Variants in FUBP3 observed in about 807,000 individuals in gnomAD.
FUBP3 encodes the protein far upstream element binding protein 3, also known as far upstream element-binding protein 3.
In FUBP3, 28 loss-of-function variants were observed where a neutral mutation model predicts 85.6. The observed-to-expected ratio is 0.33, with a 90% confidence interval of 0.24 to 0.45. FUBP3 has a LOEUF of 0.45. FUBP3 is among the 20% of genes least tolerant of loss of function. The pLI is 1.00. For synonymous variants in FUBP3, 271 were observed against 271.4 expected, an observed-to-expected ratio of 1.00 and a Z score of 0.01; for missense variants, 583 against 755.1, an observed-to-expected ratio of 0.77 and a Z score of 2.67.
intron 8 of FUBP3, among the ~76,000 whole-genome samples, chr9:130,618,277 C>G (rs2119086908): frequency 6.6e-6 from 1 of 152,330 alleles, no homozygotes; most frequent in South Asian, 2.1e-4. Flanking sequence ...TCCCCCACGT[C>G]ATCCTTCCAG....
At chr9:130,595,736 C>T in intron 2 of FUBP3, 148 bp downstream of exon 2, 3 of 634,934 alleles carry the variant, frequency 4.7e-6, no homozygotes, top group Middle Eastern at 2.5e-4. Context: ...TGATTTTTCT[C>T]AGCAGTTCTT....
intron 2 of FUBP3, among the ~76,000 whole-genome samples, chr9:130,600,802 A>G (rs1831118192): frequency 6.6e-6 from 1 of 152,002 alleles, no homozygotes; most frequent in Non-Finnish European, 1.5e-5. Context: ...GCAAGACCCC[A>G]TCTCTACAAA....
intron 1 of FUBP3, among the ~76,000 whole-genome samples, chr9:130,593,120 C>T (rs758113042): frequency 4.6e-5 from 7 of 152,160 alleles, no homozygotes; most frequent in Non-Finnish European, 8.8e-5. Context: ...TAGCCAGCTC[C>T]TCATCATCAC....
At chr9:130,622,664 G>A (rs1384413905) in intron 9 of FUBP3, 44 bp from the exon 10 acceptor site, 3 of 956,378 alleles carry the variant, frequency 3.1e-6, no homozygotes, top group African/African-American at 3.4e-5. Context: ...TAAAAAGACA[G>A]GTTTGTGAAA....
intron 1 of FUBP3, among the ~76,000 whole-genome samples, chr9:130,589,701 A>ATTTT (rs1416100381): frequency 9.3e-4 from 26 of 27,996 alleles, no homozygotes; most frequent in African/African-American, 5.2e-3. Context: ...ATATATATAT[A>ATTTT]TATATTTTTT....
chr9:130,606,003 A>G (rs1162756877), intron 2 of FUBP3, among the ~76,000 whole-genome samples: 1 of 152,174 alleles, frequency 6.6e-6, no homozygotes, highest in Non-Finnish European at 1.5e-5. Flanking sequence ...CAACAACAAA[A>G]AAGAGTGACA....
In FUBP3 at chr9:130,637,102, C is replaced by A; in HGVS notation, c.*80C>A. 8.8e-7 allele frequency: 1 copy of A among 1,134,150 alleles called. No individual in the cohort carries two copies. Among genetic ancestry groups the A allele is most frequent in the Non-Finnish European group, 1.3e-6 (1 of 742,632 alleles). 70.3% of individuals were successfully genotyped at this position (1,134,150 alleles called of 1,614,324 possible). On this transcript the variant is annotated 3_prime_UTR_variant, in exon 19 of 19. Coordinates refer to ENST00000319725, the MANE Select transcript of FUBP3 (RefSeq NM_003934.2). ...TTTGTAACAGAGGTTTTTACATTTG[C>A]AAACCTTTTGATGAAGAACTGTTGT...
chr9:130,582,614 A>T (rs577682861), intron 1 of FUBP3, among the ~76,000 whole-genome samples: 1 of 152,228 alleles, frequency 6.6e-6, no homozygotes, highest in East Asian at 1.9e-4. Context: ...GATAAGACAA[A>T]ATCCTGAGTA....
At chr9:130,590,024 T>A (rs1830553303) in intron 1 of FUBP3, among the ~76,000 whole-genome samples, 1 of 59,014 alleles carries the variant, frequency 1.7e-5, no homozygotes, top group East Asian at 5.2e-4. Flanking sequence ...CTATTTAATT[T>A]TTTTTTTTTT....
chr9:130,592,317 T>TTTTTG (rs773424130), intron 1 of FUBP3, among the ~76,000 whole-genome samples: 3 of 152,218 alleles, frequency 2.0e-5, no homozygotes, highest in Non-Finnish European at 2.9e-5. Context: ...AGAGCTTGTC[T>TTTTTG]TTTTGTTTTG....
rs373914401 is a variant in FUBP3, at chr9:130,580,797, G to T, written c.84+1033G>T. The stretch of plus-strand genomic sequence containing the variant: ...TAACTGACTTTTCATGTTATATATT[G>T]ATGCTCCTATAGACATTATATTGGA... On this transcript the variant is annotated intron_variant, in intron 1 of 18. Coordinates refer to ENST00000319725, the MANE Select transcript of FUBP3 (RefSeq NM_003934.2). 5.3e-5 allele frequency: 8 copies of T among 152,248 alleles called. No homozygotes were observed. The East Asian group carries it at 1.2e-3, about 22-fold the overall frequency. The allele number at this position is 152,248 out of a possible 1,614,324, so 9.4% of individuals were successfully genotyped here.
At chr9:130,593,665 G>A (rs954073819) in intron 1 of FUBP3, among the ~76,000 whole-genome samples, 1 of 152,170 alleles carries the variant, frequency 6.6e-6, no homozygotes, top group African/African-American at 2.4e-5. Context: ...GGTCCCAATA[G>A]GTGTGAGACT....
intron 2 of FUBP3, among the ~76,000 whole-genome samples, chr9:130,600,261 G>T (rs1033953330): frequency 6.6e-6 from 1 of 151,960 alleles, no homozygotes. Context: ...ACTGGGTCCC[G>T]CTGTGCACCT....
chr9:130,605,137 G>T (rs79664512), intron 2 of FUBP3, among the ~76,000 whole-genome samples: 2,622 of 152,216 alleles, frequency 0.017, 70 homozygotes, highest in African/African-American at 0.059. Context: ...TAAAGCTTAG[G>T]GCTATGAATA....
intron 12 of FUBP3, among the ~76,000 whole-genome samples, chr9:130,630,025 C>T (rs548268779): frequency 1.4e-4 from 21 of 152,336 alleles, no homozygotes; most frequent in African/African-American, 4.6e-4. Flanking sequence ...GTCTTTGTGA[C>T]CTCCACCCCA....
rs149358192 is a variant in FUBP3, at chr9:130,637,222, A to G, written c.*200A>G. 2.3e-3 allele frequency: 1,347 copies of G among 597,160 alleles called. 22 individuals carry two copies. The highest frequency in any genetic ancestry group is 0.022 in the African/African-American group (1,185 of 53,974). The allele number at this position is 597,160 out of a possible 1,614,324, so 37.0% of individuals were successfully genotyped here. A position where few individuals can be genotyped will look rare whatever the true frequency, so the allele number is the denominator to read the frequency against. ...AATTGCTGATCATTTTTGTTTCATT[A>G]TTTTTGTTATTTCAAATGTATAAGC... is the stretch of plus-strand genomic sequence containing the variant. On this transcript the variant is annotated 3_prime_UTR_variant, in exon 19 of 19. Coordinates refer to ENST00000319725, the MANE Select transcript of FUBP3 (RefSeq NM_003934.2).
chr9:130,605,546 A>G (rs12350521), intron 2 of FUBP3, among the ~76,000 whole-genome samples: 18,534 of 152,242 alleles, frequency 0.12, 1,372 homozygotes, highest in East Asian at 0.23. Context: ...TAAGATGGGA[A>G]TGGCAGTGAC....
Position 130,635,893 on chromosome 9 carries a change from C to A in FUBP3, c.1583-106C>A. 1.7e-6 allele frequency: 2 copies of A among 1,204,502 alleles called. No individual in the cohort carries two copies. Among genetic ancestry groups the A allele is most frequent in the Non-Finnish European group, 1.2e-6 (1 of 853,886 alleles). The allele number at this position is 1,204,502 out of a possible 1,614,324, so 74.6% of individuals were successfully genotyped here. Reference sequence around the variant, plus strand: ...CCTCACTGCCTCCCAGACCTCCCTGCCTTCCAGCCGTCCGGAGGGAGAGCA... The same window carrying A: ...CCTCACTGCCTCCCAGACCTCCCTGACTTCCAGCCGTCCGGAGGGAGAGCA... On this transcript the variant is annotated intron_variant, in intron 17 of 18. Coordinates refer to ENST00000319725, the MANE Select transcript of FUBP3 (RefSeq NM_003934.2). The surrounding 1 kb of genome is among the most constrained non-coding windows in gnomAD (Gnocchi z 4.3).
chr9:130,631,436 G>T, intron 13 of FUBP3, 121 bp from the exon 14 acceptor site: 1 of 1,251,080 alleles, frequency 8.0e-7, no homozygotes, highest in Non-Finnish European at 1.1e-6. Flanking sequence ...GAGTGCGTAG[G>T]TGTCCTTACT....
Sources: allele counts gnomAD v4.1 joint callset (sites outside exome capture counted in the v4.1 genomes callset), GRCh38; gene constraint gnomAD v4.1.1; non-coding constraint Gnocchi (gnomAD v3.1); transcripts MANE v1.5; gene names NCBI Gene and HGNC (gene_info 2026-07-23, HGNC 2026-07-21).